Variants in FZD3 observed in about 807,000 individuals in gnomAD.
FZD3 encodes the protein frizzled class receptor 3.
A neutral mutation model predicts 60.7 loss-of-function variants in FZD3; 30 were observed. That is an observed-to-expected ratio of 0.49 (90% CI 0.37 to 0.67). The LOEUF is 0.67. Ranked by LOEUF, FZD3 falls within the 30% of genes least tolerant of loss-of-function variation. FZD3 has a pLI of 0.00. For synonymous variants in FZD3, 246 were observed against 275.2 expected (o/e 0.89, Z 1.05); for missense variants, 605 against 838.7 (o/e 0.72, Z 3.44).
rs545560795 is a variant in FZD3, at chr8:28,566,226, G to A, written c.*3215G>A. The A allele has an allele frequency of 2.0e-5, 3 of 152,198 alleles. No homozygotes were observed. Among genetic ancestry groups the A allele is most frequent in the South Asian group, 2.1e-4 (1 of 4,822 alleles). The allele number at this position is 152,198 out of a possible 1,614,324, so 9.4% of individuals were successfully genotyped here. ...CTCTGCTTTACCAGAATAATATGTG[G>A]CAGGTAATAAATATGTAAAGTACAC... On this transcript the variant is annotated 3_prime_UTR_variant, in exon 8 of 8. Transcript: ENST00000240093.
intron 5 of FZD3, among the ~76,000 whole-genome samples, chr8:28,543,456 C>T (rs1157468889): frequency 6.6e-6 from 1 of 152,102 alleles, no homozygotes; most frequent in African/African-American, 2.4e-5. Flanking sequence ...TCTCGGCTCA[C>T]TGCACCCTCT....
intron 5 of FZD3, among the ~76,000 whole-genome samples, chr8:28,532,862 A>G (rs564280341): frequency 1.1e-4 from 16 of 152,322 alleles, no homozygotes; most frequent in Non-Finnish European, 2.9e-5. Context: ...TCCAATTTCT[A>G]TATTTCATGT....
chr8:28,517,379 A>C (rs942997601), intron 3 of FZD3, among the ~76,000 whole-genome samples: 1 of 152,060 alleles, frequency 6.6e-6, no homozygotes, highest in Non-Finnish European at 1.5e-5. Context: ...TTGGTTTTCA[A>C]CCGTTTAAAT....
chr8:28,514,999 C>A, intron 3 of FZD3, among the ~76,000 whole-genome samples: 1 of 152,124 alleles, frequency 6.6e-6, no homozygotes, highest in African/African-American at 2.4e-5. Context: ...ATAAGAATGC[C>A]AAGATTTGCC....
At chr8:28,562,735 A>G (rs768420586) in intron 7 of FZD3, 63 bp from the exon 8 acceptor site, 35 of 976,590 alleles carry the variant, frequency 3.6e-5, no homozygotes, top group Non-Finnish European at 4.5e-5. Context: ...TATGAAAATT[A>G]TTAGTGTTAT....
rs1804553729 is a variant in FZD3 at position 28,520,680 on chromosome 8, C to T, written c.232C>T (p.Arg78Trp). Residue 78 changes from arginine (R) to tryptophan (W), a missense_variant, in exon 4 of 8, where the codon CGG becomes TGG. Coordinates refer to ENST00000240093, the MANE Select transcript of FZD3 (RefSeq NM_017412.4). ...MVNLDCSRDF[R>W]PFLCALYAPI... ...GAATCTGGATTGTTCTCGGGATTTC[C>T]GGCCTTTTCTTTGTGCACTCTACGC... The T allele has an allele frequency of 1.9e-6, 3 of 1,605,110 alleles. No individual in the cohort carries two copies. Among genetic ancestry groups the T allele is most frequent in the Non-Finnish European group, 2.6e-6 (3 of 1,175,382 alleles).
chr8:28,558,396 T>C (rs1200634955), intron 7 of FZD3, among the ~76,000 whole-genome samples: 2 of 151,938 alleles, frequency 1.3e-5, no homozygotes, highest in East Asian at 1.9e-4. Flanking sequence ...TTTGACGTTA[T>C]TGGCCTTATC....
At chr8:28,558,741 C>G (rs1189397351) in intron 7 of FZD3, among the ~76,000 whole-genome samples, 2 of 152,096 alleles carry the variant, frequency 1.3e-5, no homozygotes, top group Non-Finnish European at 2.9e-5. Context: ...CTGGCCTTAT[C>G]CTTTCAATGA....
chr8:28,527,003 C>T lies in FZD3; in HGVS notation c.387-144C>T, dbSNP rs1804730367. ...GTTGTATGGACCACAAACAAGATAT[C>T]ACCATTTACTTTATTTCTACATATT... is the stretch of plus-strand genomic sequence containing the variant. On this transcript the variant is annotated intron_variant, in intron 4 of 7. Coordinates refer to ENST00000240093, the MANE Select transcript of FZD3 (RefSeq NM_017412.4). This position sits in a 1 kb window ranked among gnomAD's most constrained non-coding sequence, Gnocchi z 5.0. 6.7e-6 allele frequency: 5 copies of T among 742,014 alleles called. No individual in the cohort carries two copies. Among genetic ancestry groups the T allele is most frequent in the Non-Finnish European group, 8.9e-6 (4 of 450,346 alleles). The allele number at this position is 742,014 out of a possible 1,614,324, so 46.0% of individuals were successfully genotyped here. A position where few individuals can be genotyped will look rare whatever the true frequency, so the allele number is the denominator to read the frequency against.
At chr8:28,557,494 C>G (rs1805533396) in intron 7 of FZD3, among the ~76,000 whole-genome samples, 1 of 151,760 alleles carries the variant, frequency 6.6e-6, no homozygotes, top group Admixed American at 6.6e-5. Flanking sequence ...AATCTTCTGT[C>G]TGTTTCCTCT....
At position 28,528,162 on chromosome 8, in the gene FZD3, C is replaced by A; in HGVS notation, c.1402C>A (p.Gln468Lys). Residue 468 changes from glutamine (Q) to lysine (K), a missense_variant and splice_region_variant, in exon 5 of 8, where the codon CAG (glutamine) becomes AAG (lysine). By Grantham distance (53) the Gln-to-Lys change is moderately conservative. Transcript: ENST00000240093. ...AGAATATCACATTCCATGTCCATAT[C>A]AGGTAAGGGAAACCTTGTTACAAAT... ...CREYHIPCPY[Q>K]VTQMSRPDLI... The A allele has an allele frequency of 6.3e-7, 1 of 1,597,704 alleles. No individual in the cohort carries two copies. Among genetic ancestry groups the A allele is most frequent in the Non-Finnish European group, 8.5e-7 (1 of 1,172,242 alleles).
At chr8:28,531,411 G>C (rs900780486) in intron 5 of FZD3, among the ~76,000 whole-genome samples, 2 of 152,080 alleles carry the variant, frequency 1.3e-5, no homozygotes, top group African/African-American at 4.8e-5. Context: ...ATTTATTGAT[G>C]AATTATATAG....
chr8:28,568,860 A>AT lies in FZD3; in HGVS notation c.*5856dup, dbSNP rs1181779393. The AT allele has an allele frequency of 2.0e-5, 3 of 151,938 alleles. No homozygotes were observed. The highest frequency in any genetic ancestry group is 4.4e-5 in the Non-Finnish European group (3 of 67,930). The allele number at this position is 151,938 out of a possible 1,614,324, so 9.4% of individuals were successfully genotyped here. ...TCTGCCTCAGGAAATTCTTTCTTGA[A>AT]TTTTTTTGTTGGTGTGAAAGCGTTG... On this transcript the variant is annotated 3_prime_UTR_variant, in exon 8 of 8. Coordinates refer to ENST00000240093, the MANE Select transcript of FZD3 (RefSeq NM_017412.4).
chr8:28,520,593 G>C (rs200352837), intron 3 of FZD3, 45 bp from the exon 4 acceptor site: 2 of 1,120,428 alleles, frequency 1.8e-6, no homozygotes, highest in Non-Finnish European at 2.5e-6. Flanking sequence ...GCTTTAACTT[G>C]TATACAGCTC....
At chr8:28,548,948 A>G (rs1186150655) in intron 5 of FZD3, among the ~76,000 whole-genome samples, 2 of 152,172 alleles carry the variant, frequency 1.3e-5, no homozygotes, top group African/African-American at 2.4e-5. Flanking sequence ...CTCTTTTGTT[A>G]TAGTTTGTAT....
chr8:28,542,091 CTTTTT>C (rs61301257), intron 5 of FZD3, among the ~76,000 whole-genome samples: 1 of 133,564 alleles, frequency 7.5e-6, no homozygotes, highest in Non-Finnish European at 1.6e-5. Context: ...GAATGAAATC[CTTTTT>C]TTTTTTTTTT....
intron 5 of FZD3, among the ~76,000 whole-genome samples, chr8:28,544,392 C>G (rs1043633200): frequency 6.6e-6 from 1 of 151,900 alleles, no homozygotes; most frequent in Non-Finnish European, 1.5e-5. Context: ...TGTTTTCTAT[C>G]TAGTTGATCA....
chr8:28,525,210 A>C (rs577161902), intron 4 of FZD3, among the ~76,000 whole-genome samples: 160 of 152,304 alleles, frequency 1.1e-3, no homozygotes, highest in Non-Finnish European at 1.4e-3. Flanking sequence ...GCACTATTCT[A>C]GATGTCGAAG....
chr8:28,551,613 T>C lies in FZD3; in HGVS notation c.1415T>C (p.Met472Thr), dbSNP rs768929181. 2 of 1,605,076 alleles carry C rather than the reference T, an allele frequency of 1.2e-6. No homozygotes were observed. Among genetic ancestry groups the C allele is most frequent in the Non-Finnish European group, 1.7e-6 (2 of 1,173,704 alleles). ...HIPCPYQVTQ[M>T]SRPDLILFLM... ...TTTCTGTTCTTCCAGGTTACTCAAATGAGTCGTCCAGACTTGATTCTCTTT... is the reference window on the plus strand; with the variant it reads ...TTTCTGTTCTTCCAGGTTACTCAAACGAGTCGTCCAGACTTGATTCTCTTT... The change falls in exon 6 of 8, where the codon ATG (methionine) becomes ACG (threonine). Residue 472 changes from methionine (M) to threonine (T), a missense_variant. Physicochemically the swap from Met to Thr is moderately conservative, Grantham distance 81. Coordinates refer to ENST00000240093, the MANE Select transcript of FZD3 (RefSeq NM_017412.4).
Sources: allele counts gnomAD v4.1 joint callset (sites outside exome capture counted in the v4.1 genomes callset), GRCh38; gene constraint gnomAD v4.1.1; non-coding constraint Gnocchi (gnomAD v3.1); transcripts MANE v1.5; gene names NCBI Gene and HGNC (gene_info 2026-07-23, HGNC 2026-07-21).